TTC38: variants seen among roughly 807,000 people sequenced by gnomAD.
TTC38 encodes tetratricopeptide repeat domain 38, also known as tetratricopeptide repeat protein 38.
TTC38 carries 64 observed loss-of-function variants against 64.2 expected under a neutral mutation model. The ratio of observed to expected loss-of-function variants is 1.00; its 90% CI spans 0.81 to 1.23. TTC38 has a LOEUF of 1.23. Ranked by LOEUF, TTC38 falls within the 50% of genes most tolerant of loss-of-function variation. The pLI is 0.00. For missense variants in TTC38, 573 were observed against 615.5 expected (o/e 0.93, Z 0.73); for synonymous variants, 254 against 249.3 (o/e 1.02, Z -0.18).
rs868595011 is a variant in TTC38, at chr22:46,271,066, T to G, written c.112-1269T>G. 1.9e-4 allele frequency among the ~76,000 whole-genome samples: 29 copies of G among 152,114 alleles called. No homozygotes were observed. The highest frequency in any genetic ancestry group is 6.5e-4 in the Admixed American group (10 of 15,280). Reference sequence around the variant, plus strand: ...TGGGTAAGTTTTATCTTTCAGCTTTTGTGTCTTTCTAACTCTCTAAAATAA... The same window carrying G: ...TGGGTAAGTTTTATCTTTCAGCTTTGGTGTCTTTCTAACTCTCTAAAATAA... On this transcript the variant is annotated intron_variant, in intron 2 of 13. Coordinates refer to ENST00000381031, the MANE Select transcript of TTC38 (RefSeq NM_017931.4). The surrounding 1 kb of genome is among the most constrained non-coding windows in gnomAD (Gnocchi z 5.5).
chr22:46,287,239 G>A, intron 10 of TTC38, 85 bp downstream of exon 10: 1 of 1,291,362 alleles, frequency 7.7e-7, no homozygotes, highest in Non-Finnish European at 1.1e-6. Context: ...CCCAGGGTTG[G>A]GCAAGAGCTC....
chr22:46,287,195 C>G (rs1473271017), intron 10 of TTC38, 41 bp downstream of exon 10: 3 of 1,539,456 alleles, frequency 1.9e-6, no homozygotes, highest in African/African-American at 2.7e-5. Context: ...GCCTCTTCCT[C>G]CCACATCATG....
At position 46,293,384 on chromosome 22, in the gene TTC38, G is replaced by A. The variant is rs182088366; in HGVS notation, c.*500G>A. The stretch of plus-strand genomic sequence containing the variant: ...GTCCCATTTTTCAGGTGAGGGTACC[G>A]GGGTAGGGGAGTGGCCTGCCCAGGG... On this transcript the variant is annotated 3_prime_UTR_variant, in exon 14 of 14. Transcript: ENST00000381031. This position sits in a 1 kb window ranked among gnomAD's most constrained non-coding sequence, Gnocchi z 6.6. 1.2e-3 allele frequency: 188 copies of A among 160,540 alleles called. No homozygotes were observed. Among genetic ancestry groups the A allele is most frequent in the Non-Finnish European group, 1.6e-3 (113 of 72,104 alleles). 9.9% of individuals were successfully genotyped at this position (160,540 alleles called of 1,614,324 possible).
rs560447511 is a variant in TTC38, at chr22:46,276,824, A to AAAAT, written c.539+1404_539+1405insAATA. Among the ~76,000 whole-genome samples, 3 of 139,556 alleles carry AAAAT rather than the reference A, an allele frequency of 2.1e-5. No individual in the cohort carries two copies. Among genetic ancestry groups the AAAAT allele is most frequent in the African/African-American group, 8.3e-5 (3 of 36,132 alleles). The allele number at this position is 139,556 out of a possible 152,430, so 91.6% of individuals were successfully genotyped here. ...ATTATATATTAAAATATATATATTA[A>AAAAT]ATATATATATATATATAAACATATA... On this transcript the variant is annotated intron_variant, in intron 5 of 13. Coordinates refer to ENST00000381031, the MANE Select transcript of TTC38 (RefSeq NM_017931.4). This position sits in a 1 kb window ranked among gnomAD's most constrained non-coding sequence, Gnocchi z 4.7.
rs568926844 is a variant in TTC38, at chr22:46,274,388, G to A, written c.365+319G>A. Among the ~76,000 whole-genome samples, 2 of 152,220 alleles carry A rather than the reference G, an allele frequency of 1.3e-5. No homozygotes were observed. Among genetic ancestry groups the A allele is most frequent in the Non-Finnish European group, 2.9e-5 (2 of 68,036 alleles). On this transcript the variant is annotated intron_variant, in intron 4 of 13. Coordinates refer to ENST00000381031, the MANE Select transcript of TTC38 (RefSeq NM_017931.4). This position sits in a 1 kb window ranked among gnomAD's most constrained non-coding sequence, Gnocchi z 4.8. ...ACAGAAATTACTAGGTTAGGGAAGA[G>A]AGAAGAAAACATGCTTCTTCTAGTG...
At chr22:46,289,591 T>C (rs2147802197) in intron 12 of TTC38, 30 bp downstream of exon 12, 3 of 1,557,372 alleles carry the variant, frequency 1.9e-6, no homozygotes, top group East Asian at 4.5e-5. Context: ...CTGGGGTGCC[T>C]AGGGCCTGGG....
At chr22:46,288,943 C>T (rs113788335) in intron 11 of TTC38, among the ~76,000 whole-genome samples, 53 of 152,318 alleles carry the variant, frequency 3.5e-4, no homozygotes, top group African/African-American at 1.3e-3. Context: ...AGGTCCTGGA[C>T]GAGGTGCTTC....
Position 46,283,925 on chromosome 22 carries a change from A to G in TTC38, c.736-48A>G, listed in dbSNP as rs376062692. The G allele has an allele frequency of 7.0e-5, 92 of 1,307,304 alleles. No homozygotes were observed. The Middle Eastern group carries it at 1.0e-3, about 14-fold the overall frequency. 81.0% of individuals were successfully genotyped at this position (1,307,304 alleles called of 1,614,324 possible). ...ACAAAACAACATTTGTTTTTTTCCCATAGGCCTTCAGACTTTTCATAAATT... is the reference window on the plus strand; with the variant it reads ...ACAAAACAACATTTGTTTTTTTCCCGTAGGCCTTCAGACTTTTCATAAATT... On this transcript the variant is annotated intron_variant, in intron 7 of 13. Coordinates refer to ENST00000381031, the MANE Select transcript of TTC38 (RefSeq NM_017931.4).
intron 7 of TTC38, 22 bp from the exon 8 acceptor site, chr22:46,283,949 TTC>T (rs1388623144): frequency 2.1e-5 from 33 of 1,564,372 alleles, no homozygotes; most frequent in Non-Finnish European, 2.5e-5. Context: ...TTTTCATAAA[TTC>T]TCTTTTTTTT....
Position 46,281,473 on chromosome 22 carries a change from G to GC in TTC38, c.616-119dup, listed in dbSNP as rs981965116. Reference sequence around the variant, plus strand: ...TGTCAGTGTTTTGAGTCAGAGCCCCGCCCCCCCACTTGCTCCACCCCGTTC... The same window carrying GC: ...TGTCAGTGTTTTGAGTCAGAGCCCCGCCCCCCCCACTTGCTCCACCCCGTTC... On this transcript the variant is annotated intron_variant, in intron 6 of 13. Transcript: ENST00000381031. The surrounding 1 kb of genome is among the most constrained non-coding windows in gnomAD (Gnocchi z 5.2). 6.9e-5 allele frequency: 50 copies of GC among 727,992 alleles called. No homozygotes were observed. Among genetic ancestry groups the GC allele is most frequent in the South Asian group, 3.0e-4 (18 of 59,718 alleles). 45.1% of individuals were successfully genotyped at this position (727,992 alleles called of 1,614,324 possible).
Position 46,292,781 on chromosome 22 carries a change from G to A in TTC38, c.1317-10G>A, listed in dbSNP as rs1415576459. 1 of 1,612,478 alleles carries A rather than the reference G, an allele frequency of 6.2e-7. No homozygotes were observed. The highest frequency in any genetic ancestry group is 8.5e-7 in the Non-Finnish European group (1 of 1,178,636). ...GTTCTGTAACAGGACCTCTGTGTCT[G>A]TTTCCACAGGAGCCTTCTGATGGAG... On this transcript the variant is annotated splice_polypyrimidine_tract_variant and intron_variant, in intron 13 of 13. Coordinates refer to ENST00000381031, the MANE Select transcript of TTC38 (RefSeq NM_017931.4). This position sits in a 1 kb window ranked among gnomAD's most constrained non-coding sequence, Gnocchi z 6.5.
chr22:46,283,851 CAAAAAAAAAA>C lies in TTC38; in HGVS notation c.736-104_736-95del, dbSNP rs58477670. The C allele has an allele frequency of 2.3e-4, 48 of 210,784 alleles. No individual in the cohort carries two copies. In the Middle Eastern group the frequency reaches 7.0e-3, roughly 31 times the overall value. 13.1% of individuals were successfully genotyped at this position (210,784 alleles called of 1,614,324 possible). A position where few individuals can be genotyped will look rare whatever the true frequency, so the allele number is the denominator to read the frequency against. On this transcript the variant is annotated intron_variant, in intron 7 of 13. Coordinates refer to ENST00000381031, the MANE Select transcript of TTC38 (RefSeq NM_017931.4). Reference sequence around the variant, plus strand: ...TGAGCAACAGAGCCAGACTTAGTCTCAAAAAAAAAAAAAAAAAAAAAAAAAAAGATGATGG... The same window carrying C: ...TGAGCAACAGAGCCAGACTTAGTCTCAAAAAAAAAAAAAAAAAGATGATGG...
In TTC38 at chr22:46,270,730, G is replaced by A. The variant is rs1236323873; in HGVS notation, c.112-1605G>A. On this transcript the variant is annotated intron_variant, in intron 2 of 13. Coordinates refer to ENST00000381031, the MANE Select transcript of TTC38 (RefSeq NM_017931.4). This position sits in a 1 kb window ranked among gnomAD's most constrained non-coding sequence, Gnocchi z 4.7. ...TGGGCCTGTAATCCCAGCTACTCGGGAGGCTGAGGCAGAGGAATTCTTGAA... is the reference window on the plus strand; with the variant it reads ...TGGGCCTGTAATCCCAGCTACTCGGAAGGCTGAGGCAGAGGAATTCTTGAA... Among the ~76,000 whole-genome samples the A allele has an allele frequency of 6.6e-6, 1 of 152,196 alleles. No homozygotes were observed. Among genetic ancestry groups the A allele is most frequent in the Admixed American group, 6.5e-5 (1 of 15,288 alleles).
At position 46,281,532 on chromosome 22, in the gene TTC38, C is replaced by T. The variant is rs187997098; in HGVS notation, c.616-67C>T. ...CCCCTCTTGCCCCTTAGAGACCTGCCGTCGCCTGCCCCGGCAGCCTGACTG... is the reference window on the plus strand; with the variant it reads ...CCCCTCTTGCCCCTTAGAGACCTGCTGTCGCCTGCCCCGGCAGCCTGACTG... On this transcript the variant is annotated intron_variant, in intron 6 of 13. Coordinates refer to ENST00000381031, the MANE Select transcript of TTC38 (RefSeq NM_017931.4). The surrounding 1 kb of genome is among the most constrained non-coding windows in gnomAD (Gnocchi z 5.2). 7.1e-5 allele frequency: 114 copies of T among 1,596,604 alleles called. No homozygotes were observed. The East Asian group carries it at 2.0e-3, about 29-fold the overall frequency.
rs12166709 is a variant in TTC38, at chr22:46,291,994, T to G, written c.1317-797T>G. Among the ~76,000 whole-genome samples the G allele has an allele frequency of 6.7e-3, 1,026 of 152,244 alleles. 12 individuals carry two copies. The highest frequency in any genetic ancestry group is 0.023 in the African/African-American group (966 of 41,530). On this transcript the variant is annotated intron_variant, in intron 13 of 13. Transcript: ENST00000381031. The surrounding 1 kb of genome is among the most constrained non-coding windows in gnomAD (Gnocchi z 4.6). ...ATAAAAGTGCCACAGTCTGGGCGGC[T>G]TGCACAGTAGGCATGCACTGTCTCA...
At chr22:46,286,186 G>A (rs2077570243) in intron 9 of TTC38, among the ~76,000 whole-genome samples, 1 of 151,652 alleles carries the variant, frequency 6.6e-6, no homozygotes, top group Non-Finnish European at 1.5e-5. Context: ...TCTTTTGAGA[G>A]GGGGAAAAAA....
intron 6 of TTC38, chr22:46,280,046 G>A (rs1035536537): frequency 1.8e-5 from 8 of 453,062 alleles, no homozygotes; most frequent in Admixed American, 2.4e-5. Flanking sequence ...CTCCCCTTTC[G>A]CCTCCTGTCC....
chr22:46,271,685 A>G lies in TTC38; in HGVS notation c.112-650A>G, dbSNP rs758829006. Among the ~76,000 whole-genome samples, 68 of 152,052 alleles carry G rather than the reference A, an allele frequency of 4.5e-4. No homozygotes were observed. The highest frequency in any genetic ancestry group is 9.1e-4 in the Non-Finnish European group (62 of 68,012). ...GCCACCACGCCTGACTAATTTTTGT[A>G]TTATTTGTAGAGACAGAGTTTTGCC... On this transcript the variant is annotated intron_variant, in intron 2 of 13. Coordinates refer to ENST00000381031, the MANE Select transcript of TTC38 (RefSeq NM_017931.4). The surrounding 1 kb of genome is among the most constrained non-coding windows in gnomAD (Gnocchi z 5.5).
At chr22:46,279,106 A>T (rs941518486) in intron 6 of TTC38, among the ~76,000 whole-genome samples, 2 of 152,162 alleles carry the variant, frequency 1.3e-5, no homozygotes, top group African/African-American at 4.8e-5. Context: ...AGCATCACTC[A>T]CGGCACCAGA....
Sources: gnomAD v4.1 joint callset for allele counts (sites outside exome capture counted in the v4.1 genomes callset) on GRCh38, gnomAD v4.1.1 for gene constraint, Gnocchi (gnomAD v3.1) non-coding constraint, MANE v1.5 for transcripts, NCBI Gene and HGNC (gene_info 2026-07-23, HGNC 2026-07-21) for gene names.